The following KCNQ1 variants were observed in gnomAD, a reference collection of about 807,000 sequenced individuals.
The protein encoded by KCNQ1 is potassium voltage-gated channel subfamily KQT member 1.
In KCNQ1, 49 loss-of-function variants were observed where a neutral mutation model predicts 72.4. The observed-to-expected ratio is 0.68, with a 90% CI of 0.54 to 0.86. The LOEUF (loss-of-function observed/expected upper bound fraction) is 0.86, where lower values mean the gene tolerates loss of function less well. Ranked by LOEUF, KCNQ1 falls within the 40% of genes least tolerant of loss-of-function variation. The pLI is 0.00. For missense variants in KCNQ1, 790 were observed against 945.1 expected (o/e 0.84, Z 2.15); for synonymous variants, 450 against 412.6 (o/e 1.09, Z -1.10).
chr11:2,731,644 C>G (rs987089514), intron 11 of KCNQ1, among the ~76,000 whole-genome samples: 1 of 152,230 alleles, frequency 6.6e-6, no homozygotes, highest in African/African-American at 2.4e-5. Context: ...TCATGGAGAT[C>G]AGGTTCCTAG....
chr11:2,740,065 G>A (rs150631313), intron 11 of KCNQ1, among the ~76,000 whole-genome samples: 1 of 152,192 alleles, frequency 6.6e-6, no homozygotes, highest in African/African-American at 2.4e-5. Flanking sequence ...CTGCTGCCTA[G>A]GCCCTGAACA....
chr11:2,845,585 A>T (rs1848310372), intron 15 of KCNQ1, among the ~76,000 whole-genome samples: 1 of 152,154 alleles, frequency 6.6e-6, no homozygotes, highest in African/African-American at 2.4e-5. Context: ...AAAATAAAAC[A>T]TGGGGCTCCC....
rs572515862 is a variant in KCNQ1, at chr11:2,496,158, C to T, written c.387-31770C>T. On this transcript the variant is annotated intron_variant, in intron 1 of 15. Coordinates refer to ENST00000155840, the MANE Select transcript of KCNQ1 (RefSeq NM_000218.3). ...TTTTATCAAAGGCTAGGATCTTGGCCGGGTGCAGTGGCTCATGCCTGTAAT... is the reference window on the plus strand; with the variant it reads ...TTTTATCAAAGGCTAGGATCTTGGCTGGGTGCAGTGGCTCATGCCTGTAAT... 9.9e-5 allele frequency among the ~76,000 whole-genome samples: 15 copies of T among 152,074 alleles called. No individual in the cohort carries two copies. The East Asian group carries it at 1.7e-3, about 18-fold the overall frequency.
rs540446466 is a variant in KCNQ1, at chr11:2,599,452, C to T, written c.1393+10598C>T. 5.7e-4 allele frequency among the ~76,000 whole-genome samples: 87 copies of T among 152,242 alleles called. No homozygotes were observed. The highest frequency in any genetic ancestry group is 1.7e-3 in the Admixed American group (26 of 15,292). On this transcript the variant is annotated intron_variant, in intron 10 of 15. Transcript: ENST00000155840. This position sits in a 1 kb window ranked among gnomAD's most constrained non-coding sequence, Gnocchi z 4.7. The stretch of plus-strand genomic sequence containing the variant: ...GTACATACTCTGTGATGTTCTCTAT[C>T]GCTTAAAATTCATTTTGTTCAAGAA...
intron 15 of KCNQ1, among the ~76,000 whole-genome samples, chr11:2,814,925 T>C (rs941310419): frequency 6.6e-6 from 1 of 152,206 alleles, no homozygotes; most frequent in Non-Finnish European, 1.5e-5. Context: ...CTCTGGAGCC[T>C]GGCCTGGGAT....
chr11:2,657,675 T>C lies in KCNQ1; in HGVS notation c.1394-4286T>C, dbSNP rs1849874158. ...GATTTCCCCAGTTTAACTACTAATG[T>C]CCTTTTTCTGTTCCAAGATCCCATC... is the stretch of plus-strand genomic sequence containing the variant. On this transcript the variant is annotated intron_variant, in intron 10 of 15. Transcript: ENST00000155840. The surrounding 1 kb of genome is among the most constrained non-coding windows in gnomAD (Gnocchi z 4.8). 1 of 398,522 alleles carries C rather than the reference T, an allele frequency of 2.5e-6. No homozygotes were observed. Among genetic ancestry groups the C allele is most frequent in the Non-Finnish European group, 4.4e-6 (1 of 226,072 alleles). The allele number at this position is 398,522 out of a possible 1,614,324, so 24.7% of individuals were successfully genotyped here.
chr11:2,839,215 T>C (rs1273363317), intron 15 of KCNQ1, among the ~76,000 whole-genome samples: 2 of 152,124 alleles, frequency 1.3e-5, no homozygotes, highest in African/African-American at 4.8e-5. Context: ...CCCTGGCCTC[T>C]GGGTGCACCT....
At position 2,664,163 on chromosome 11, in the gene KCNQ1, A is replaced by ATTTT. The variant is rs1850020668; in HGVS notation, c.1514+2082_1514+2083insTTTT. On this transcript the variant is annotated intron_variant, in intron 11 of 15. Coordinates refer to ENST00000155840, the MANE Select transcript of KCNQ1 (RefSeq NM_000218.3). The surrounding 1 kb of genome is among the most constrained non-coding windows in gnomAD (Gnocchi z 5.1). ...CCTCTCTCAGAGCAGGCTGTTCCAA[A>ATTTT]AGTGGCTGCTAGATATGAGCCAGCC... 1 of 398,444 alleles carries ATTTT rather than the reference A, an allele frequency of 2.5e-6. No individual in the cohort carries two copies. Among genetic ancestry groups the ATTTT allele is most frequent in the Non-Finnish European group, 4.4e-6 (1 of 226,144 alleles). 24.7% of individuals were successfully genotyped at this position (398,444 alleles called of 1,614,324 possible).
intron 15 of KCNQ1, among the ~76,000 whole-genome samples, chr11:2,840,619 C>T (rs1056742629): frequency 7.9e-5 from 12 of 151,966 alleles, no homozygotes; most frequent in Non-Finnish European, 1.3e-4. Context: ...GCTTTGACCA[C>T]GTGAAAAAGT....
rs1033548216 is a variant in KCNQ1 at position 2,726,509 on chromosome 11, C to T, written c.1515-42335C>T. On this transcript the variant is annotated intron_variant, in intron 11 of 15. Transcript: ENST00000155840. ...CGGAGACACCACCCACTGCAGGTTC[C>T]AGCCGTCCCCCACCCCACCCCTGCC... is the stretch of plus-strand genomic sequence containing the variant. Among the ~76,000 whole-genome samples the T allele has an allele frequency of 2.0e-5, 3 of 152,244 alleles. No individual in the cohort carries two copies. In the South Asian group the frequency reaches 6.2e-4, roughly 32 times the overall value.
At chr11:2,590,540 G>A (rs1848657295) in intron 10 of KCNQ1, among the ~76,000 whole-genome samples, 1 of 152,246 alleles carries the variant, frequency 6.6e-6, no homozygotes, top group South Asian at 2.1e-4. Context: ...TCATCTTCCA[G>A]GTGGTGGGGG....
intron 15 of KCNQ1, among the ~76,000 whole-genome samples, chr11:2,792,572 C>T (rs902527509): frequency 4.6e-5 from 7 of 152,168 alleles, no homozygotes; most frequent in African/African-American, 1.7e-4. Flanking sequence ...AAGGTCTGTG[C>T]GGGTGAGGGA....
chr11:2,515,332 G>A lies in KCNQ1; in HGVS notation c.387-12596G>A, dbSNP rs147607199. Among the ~76,000 whole-genome samples the A allele has an allele frequency of 1.3e-4, 20 of 152,294 alleles. No homozygotes were observed. The highest frequency in any genetic ancestry group is 1.1e-3 in the Admixed American group (17 of 15,300). On this transcript the variant is annotated intron_variant, in intron 1 of 15. Transcript: ENST00000155840. The surrounding 1 kb of genome is among the most constrained non-coding windows in gnomAD (Gnocchi z 4.7). The stretch of plus-strand genomic sequence containing the variant: ...AGGATCATGGTCTCCAGATCCATCC[G>A]TGTTGCTGCAAAGGACATGATTTCA...
chr11:2,794,460 G>C (rs1038306152), intron 15 of KCNQ1, among the ~76,000 whole-genome samples: 5 of 152,166 alleles, frequency 3.3e-5, no homozygotes, highest in South Asian at 2.1e-4. Context: ...AGATGGGGGA[G>C]TGAGAGAGAT....
chr11:2,624,937 A>C lies in KCNQ1; in HGVS notation c.1393+36083A>C, dbSNP rs1425755519. 1.3e-5 allele frequency: 5 copies of C among 398,458 alleles called. No homozygotes were observed. Among genetic ancestry groups the C allele is most frequent in the Non-Finnish European group, 1.8e-5 (4 of 226,080 alleles). 24.7% of individuals were successfully genotyped at this position (398,458 alleles called of 1,614,324 possible). On this transcript the variant is annotated intron_variant, in intron 10 of 15. Transcript: ENST00000155840. This position sits in a 1 kb window ranked among gnomAD's most constrained non-coding sequence, Gnocchi z 4.9. ...AAAATTTCTATTTTTTTTAAAGCTG[A>C]ATAATATTACATTGTATGTATATAC...
At position 2,713,543 on chromosome 11, in the gene KCNQ1, T is replaced by C. The variant is rs1352482959; in HGVS notation, c.1514+51462T>C. On this transcript the variant is annotated intron_variant, in intron 11 of 15. Transcript: ENST00000155840. This position sits in a 1 kb window ranked among gnomAD's most constrained non-coding sequence, Gnocchi z 5.6. ...AATTTTTCCCACTGTGGGAAGGGGG[T>C]CTGGAGGACAGGCACCCTTGTTGGC... Among the ~76,000 whole-genome samples the C allele has an allele frequency of 1.3e-5, 2 of 151,960 alleles. No homozygotes were observed. Among genetic ancestry groups the C allele is most frequent in the African/African-American group, 4.8e-5 (2 of 41,332 alleles).
chr11:2,662,307 G>A (rs1487714267), intron 11 of KCNQ1: 1 of 599,046 alleles, frequency 1.7e-6, no homozygotes, highest in Non-Finnish European at 3.0e-6. Flanking sequence ...TTTGACTTAT[G>A]GAAAACCAGA....
At chr11:2,445,623 AAC>A (rs1477224598) in intron 1 of KCNQ1, 139 bp downstream of exon 1, 9 of 1,025,514 alleles carry the variant, frequency 8.8e-6, no homozygotes, top group Admixed American at 8.0e-5. Flanking sequence ...GAAACGCAGA[AAC>A]ACAAACTCTG....
rs1456302857 is a variant in KCNQ1, at chr11:2,669,099, C to T, written c.1514+7018C>T. 8 of 398,618 alleles carry T rather than the reference C, an allele frequency of 2.0e-5. No individual in the cohort carries two copies. Among genetic ancestry groups the T allele is most frequent in the African/African-American group, 1.6e-4 (8 of 48,632 alleles). 24.7% of individuals were successfully genotyped at this position (398,618 alleles called of 1,614,324 possible). On this transcript the variant is annotated intron_variant, in intron 11 of 15. Transcript: ENST00000155840. This position sits in a 1 kb window ranked among gnomAD's most constrained non-coding sequence, Gnocchi z 5.6. ...CGTATCAGTGTCTTTACAATCAGCT[C>T]ACTGGCTACGTGTGGCTCTGTTTCT... is the stretch of plus-strand genomic sequence containing the variant.
Sources: gnomAD v4.1 joint callset for allele counts (sites outside exome capture counted in the v4.1 genomes callset) on GRCh38, gnomAD v4.1.1 for gene constraint, Gnocchi (gnomAD v3.1) non-coding constraint, MANE v1.5 for transcripts, NCBI Gene and HGNC (gene_info 2026-07-23, HGNC 2026-07-21) for gene names.